STXBP5L: variants seen among roughly 807,000 people sequenced by gnomAD.
STXBP5L encodes syntaxin-binding protein 5-like.
STXBP5L carries 65 observed loss-of-function variants against 144.5 expected under a neutral mutation model. The observed-to-expected ratio is 0.45, with a 90% CI of 0.37 to 0.55. The LOEUF (loss-of-function observed/expected upper bound fraction) is 0.55. Ranked by LOEUF, STXBP5L falls within the 20% of genes least tolerant of loss-of-function variation. STXBP5L has a pLI of 0.00. For synonymous variants in STXBP5L, 505 were observed against 469.6 expected (o/e 1.08, Z -0.97); for missense variants, 1,298 against 1,405.5 (o/e 0.92, Z 1.22).
chr3:121,114,758 A>G (rs1456234418), intron 5 of STXBP5L, among the ~76,000 whole-genome samples, 167 bp from the exon 6 acceptor site: 2 of 152,158 alleles, frequency 1.3e-5, no homozygotes, highest in Admixed American at 6.5e-5. Flanking sequence ...TTTTAACGCT[A>G]TAATATTATT....
At chr3:120,955,361 T>C (rs971865041) in intron 3 of STXBP5L, among the ~76,000 whole-genome samples, 19 of 152,072 alleles carry the variant, frequency 1.2e-4, no homozygotes, top group African/African-American at 4.3e-4. Flanking sequence ...TGCTCTTCTT[T>C]ATTGTGTTTC....
At chr3:121,123,617 T>C (rs1371386240) in intron 7 of STXBP5L, among the ~76,000 whole-genome samples, 2 of 151,640 alleles carry the variant, frequency 1.3e-5, no homozygotes, top group South Asian at 2.1e-4. Flanking sequence ...ACACTAAAGA[T>C]TGGAATTGGG....
chr3:121,331,447 G>A (rs1213964445), intron 20 of STXBP5L, among the ~76,000 whole-genome samples: 1 of 152,184 alleles, frequency 6.6e-6, no homozygotes, highest in Non-Finnish European at 1.5e-5. Flanking sequence ...GTTCAGGCTT[G>A]CATGAAAGGT....
chr3:121,001,639 G>T (rs1391153494), intron 3 of STXBP5L, among the ~76,000 whole-genome samples: 2 of 152,146 alleles, frequency 1.3e-5, no homozygotes, highest in African/African-American at 4.8e-5. Context: ...GCAAGAGTGG[G>T]CCACTCCATG....
chr3:121,110,120 C>A (rs189523063), intron 5 of STXBP5L, among the ~76,000 whole-genome samples: 1 of 152,104 alleles, frequency 6.6e-6, no homozygotes, highest in South Asian at 2.1e-4. Context: ...TGAGAAGGGT[C>A]GCTTGAATAT....
At chr3:120,945,153 A>G (rs564610028) in intron 2 of STXBP5L, among the ~76,000 whole-genome samples, 2 of 151,824 alleles carry the variant, frequency 1.3e-5, no homozygotes, top group Non-Finnish European at 2.9e-5. Flanking sequence ...GTTTATGTAC[A>G]ATTTCTGAAT....
intron 9 of STXBP5L, among the ~76,000 whole-genome samples, chr3:121,185,549 T>C (rs899797745): frequency 2.0e-5 from 3 of 152,210 alleles, no homozygotes; most frequent in East Asian, 1.9e-4. Flanking sequence ...ATTTATTGAA[T>C]AGGGAGTCCT....
At position 121,423,728 on chromosome 3, in the gene STXBP5L, C is replaced by G. The variant is rs1031938782; in HGVS notation, c.*4631C>G. The G allele has an allele frequency of 6.6e-6, 1 of 152,214 alleles. No homozygotes were observed. The highest frequency in any genetic ancestry group is 1.5e-5 in the Non-Finnish European group (1 of 68,054). The allele number at this position is 152,214 out of a possible 1,614,324, so 9.4% of individuals were successfully genotyped here. ...GTCCAGCCAAAGTTGATTATCACTG[C>G]TTTATGGCCAACTAAGGAAACCTTG... is the stretch of plus-strand genomic sequence containing the variant. On this transcript the variant is annotated 3_prime_UTR_variant, in exon 27 of 27. Coordinates refer to ENST00000471454, the MANE Select transcript of STXBP5L (RefSeq NM_001308330.2).
chr3:121,041,788 A>T lies in STXBP5L; in HGVS notation c.369+7A>T, dbSNP rs747236837. The T allele has an allele frequency of 2.5e-6, 4 of 1,607,704 alleles. No individual in the cohort carries two copies. Among genetic ancestry groups the T allele is most frequent in the South Asian group, 2.2e-5 (2 of 90,928 alleles). The stretch of plus-strand genomic sequence containing the variant: ...CCAATTTTTGATCAATGAGGTAAGG[A>T]TTATTTTTTGACTACTTAAATCACA... On this transcript the variant is annotated splice_region_variant and intron_variant, in intron 4 of 26. Coordinates refer to ENST00000471454, the MANE Select transcript of STXBP5L (RefSeq NM_001308330.2).
At chr3:121,270,992 G>A (rs73191460) in intron 18 of STXBP5L, among the ~76,000 whole-genome samples, 5,406 of 152,178 alleles carry the variant, frequency 0.036, 147 homozygotes, top group Middle Eastern at 0.082. Context: ...TATCTACCAG[G>A]TTTCTCCACT....
At chr3:121,208,649 T>C (rs2108243445) in intron 10 of STXBP5L, among the ~76,000 whole-genome samples, 1 of 152,254 alleles carries the variant, frequency 6.6e-6, no homozygotes, top group East Asian at 1.9e-4. Flanking sequence ...AGTTTTCAGG[T>C]TCAACATTAT....
intron 19 of STXBP5L, chr3:121,282,381 A>T: frequency 6.4e-7 from 1 of 1,565,384 alleles, no homozygotes; most frequent in Non-Finnish European, 8.8e-7. Context: ...TTAAGACATA[A>T]TGCTTGAGTT....
intron 7 of STXBP5L, among the ~76,000 whole-genome samples, chr3:121,125,192 G>GAA (rs1183723284): frequency 6.6e-6 from 1 of 152,032 alleles, no homozygotes; most frequent in Non-Finnish European, 1.5e-5. Flanking sequence ...AATATGGTTG[G>GAA]GCGCAGTGGC....
intron 19 of STXBP5L, chr3:121,282,429 AAC>A (rs1316990672): frequency 1.5e-5 from 19 of 1,240,186 alleles, no homozygotes; most frequent in Admixed American, 2.1e-5. Context: ...TGTTTCTTAA[AAC>A]ACATTCAGCA....
At chr3:120,959,586 G>T (rs1281307165) in intron 3 of STXBP5L, among the ~76,000 whole-genome samples, 1 of 152,160 alleles carries the variant, frequency 6.6e-6, no homozygotes, top group Non-Finnish European at 1.5e-5. Context: ...AGAGGCCTCA[G>T]AAATAATGCC....
chr3:121,389,588 T>G (rs2046522763), intron 22 of STXBP5L, among the ~76,000 whole-genome samples: 1 of 152,248 alleles, frequency 6.6e-6, no homozygotes, highest in Non-Finnish European at 1.5e-5. Flanking sequence ...CATTGTGTCT[T>G]TGTTCTCATT....
intron 2 of STXBP5L, among the ~76,000 whole-genome samples, chr3:120,938,176 T>G (rs577892270): frequency 6.6e-6 from 1 of 152,214 alleles, no homozygotes; most frequent in African/African-American, 2.4e-5. Context: ...TGTAAAAAGT[T>G]TTTATATAAA....
At chr3:120,936,112 C>T (rs796107658) in intron 2 of STXBP5L, among the ~76,000 whole-genome samples, 11 of 152,196 alleles carry the variant, frequency 7.2e-5, no homozygotes, top group African/African-American at 2.6e-4. Flanking sequence ...TCACTCTTTT[C>T]TTTCTTCAGC....
At chr3:121,408,447 G>A (rs1576369476) in intron 23 of STXBP5L, among the ~76,000 whole-genome samples, 1 of 151,980 alleles carries the variant, frequency 6.6e-6, no homozygotes, top group East Asian at 1.9e-4. Flanking sequence ...TAACTTGGGA[G>A]ATAAGATAGA....
Sources: allele counts gnomAD v4.1 joint callset (sites outside exome capture counted in the v4.1 genomes callset), GRCh38; gene constraint gnomAD v4.1.1; transcripts MANE v1.5; gene names NCBI Gene and HGNC (gene_info 2026-07-23, HGNC 2026-07-21).